KCND2: variants seen among roughly 807,000 people sequenced by gnomAD.
KCND2 encodes A-type voltage-gated potassium channel KCND2.
A neutral mutation model predicts 54.4 loss-of-function variants in KCND2; 16 were observed. That is an observed-to-expected ratio of 0.29 (90% CI 0.20 to 0.45). KCND2 has a LOEUF of 0.45. Ranked by LOEUF, KCND2 falls within the 20% of genes least tolerant of loss-of-function variation. The probability of loss-of-function intolerance (pLI) is 1.00; values close to 1 mark genes in which losing one functional copy is unlikely to be tolerated. For synonymous variants in KCND2, 317 were observed against 310.7 expected, an observed-to-expected ratio of 1.02 and a Z score of -0.21; for missense variants, 486 against 824.2, an observed-to-expected ratio of 0.59 and a Z score of 5.02.
intron 1 of KCND2, among the ~76,000 whole-genome samples, chr7:120,689,936 A>C (rs1351815971): frequency 1.3e-5 from 2 of 152,180 alleles, no homozygotes; most frequent in Non-Finnish European, 2.9e-5. Context: ...AGTATTTGCT[A>C]GTGCCTGTCT....
chr7:120,560,951 A>G (rs1792225331), intron 1 of KCND2, among the ~76,000 whole-genome samples: 1 of 152,254 alleles, frequency 6.6e-6, no homozygotes, highest in Non-Finnish European at 1.5e-5. Context: ...TCCAATTGTT[A>G]TACTGAATGT....
chr7:120,622,689 ACTCTCT>A (rs751909741), intron 1 of KCND2, among the ~76,000 whole-genome samples: 53 of 126,002 alleles, frequency 4.2e-4, no homozygotes, highest in East Asian at 2.3e-3. Flanking sequence ...ACACACACAC[ACTCTCT>A]CTCTCTCTCT....
At chr7:120,421,489 G>T (rs1393687195) in intron 1 of KCND2, among the ~76,000 whole-genome samples, 2 of 152,200 alleles carry the variant, frequency 1.3e-5, no homozygotes, top group African/African-American at 4.8e-5. Flanking sequence ...ATTCATTGCA[G>T]TGCTATTTTG....
intron 1 of KCND2, among the ~76,000 whole-genome samples, chr7:120,386,089 C>T (rs192990361): frequency 2.6e-5 from 4 of 152,012 alleles, no homozygotes; most frequent in Admixed American, 2.0e-4. Context: ...GATGATACAG[C>T]CATTGAAATG....
chr7:120,726,059 C>T (rs1042808289), intron 1 of KCND2, among the ~76,000 whole-genome samples: 2 of 152,060 alleles, frequency 1.3e-5, no homozygotes, highest in African/African-American at 4.8e-5. Flanking sequence ...TAAAAGTTAA[C>T]AGTAGCTCAT....
At chr7:120,736,676 T>C (rs1022072599) in intron 2 of KCND2, among the ~76,000 whole-genome samples, 1 of 151,874 alleles carries the variant, frequency 6.6e-6, no homozygotes, top group African/African-American at 2.4e-5. Flanking sequence ...AAACCCTCAC[T>C]AGTTTCTAGA....
At chr7:120,327,385 T>C (rs1253489868) in intron 1 of KCND2, among the ~76,000 whole-genome samples, 1 of 152,112 alleles carries the variant, frequency 6.6e-6, no homozygotes, top group African/African-American at 2.4e-5. Flanking sequence ...TGTTTTTATC[T>C]CCACATTTAT....
intron 1 of KCND2, among the ~76,000 whole-genome samples, chr7:120,515,499 T>C (rs1803182888): frequency 6.6e-6 from 1 of 152,114 alleles, no homozygotes. Context: ...ATATCACCTC[T>C]AGGACTGGGA....
At chr7:120,338,558 GTT>G (rs1800185196) in intron 1 of KCND2, among the ~76,000 whole-genome samples, 1 of 151,218 alleles carries the variant, frequency 6.6e-6, no homozygotes, top group Non-Finnish European at 1.5e-5. Context: ...ATTATTTTTT[GTT>G]TTCTATAGGC....
chr7:120,574,279 C>T (rs1027268839), intron 1 of KCND2, among the ~76,000 whole-genome samples: 1 of 152,270 alleles, frequency 6.6e-6, no homozygotes, highest in East Asian at 1.9e-4. Context: ...GTAGCTTGAA[C>T]TCAACCACTG....
chr7:120,554,027 T>G lies in KCND2; in HGVS notation c.1116-178876T>G, dbSNP rs77797054. Among the ~76,000 whole-genome samples, 8 of 152,254 alleles carry G rather than the reference T, an allele frequency of 5.3e-5. 1 individual carries two copies. The highest frequency in any genetic ancestry group is 1.9e-4 in the African/African-American group (8 of 41,468). ...CATCCTCAAGGGCCTATATATTTAATGTACATCACATGAGAATTAAAAGTG... is the reference window on the plus strand; with the variant it reads ...CATCCTCAAGGGCCTATATATTTAAGGTACATCACATGAGAATTAAAAGTG... On this transcript the variant is annotated intron_variant, in intron 1 of 5. Coordinates refer to ENST00000331113, the MANE Select transcript of KCND2 (RefSeq NM_012281.3).
intron 1 of KCND2, among the ~76,000 whole-genome samples, chr7:120,670,915 C>CA (rs201567194): frequency 0.2 from 19,008 of 93,032 alleles, 1,665 homozygotes; most frequent in East Asian, 0.47. Context: ...GGCTCCGTCT[C>CA]AAAAAAAAAA....
intron 1 of KCND2, among the ~76,000 whole-genome samples, chr7:120,641,589 G>C (rs1793376272): frequency 6.6e-6 from 1 of 152,084 alleles, no homozygotes; most frequent in African/African-American, 2.4e-5. Context: ...AGATGCAGTG[G>C]GCTGAAGGAT....
chr7:120,575,224 G>A (rs895229772), intron 1 of KCND2, among the ~76,000 whole-genome samples: 2 of 152,148 alleles, frequency 1.3e-5, no homozygotes, highest in Non-Finnish European at 2.9e-5. Flanking sequence ...AGCCAGTCAA[G>A]TCCCAAAACC....
At chr7:120,581,051 A>T (rs1334938597) in intron 1 of KCND2, among the ~76,000 whole-genome samples, 1 of 152,232 alleles carries the variant, frequency 6.6e-6, no homozygotes, top group African/African-American at 2.4e-5. Context: ...TGGTTGGTCG[A>T]TTCAAGTGGA....
chr7:120,711,641 T>A (rs1048077851), intron 1 of KCND2, among the ~76,000 whole-genome samples: 1 of 152,170 alleles, frequency 6.6e-6, no homozygotes, highest in Admixed American at 6.5e-5. Flanking sequence ...ACATTAATTA[T>A]TTGTATTTCT....
intron 1 of KCND2, among the ~76,000 whole-genome samples, chr7:120,563,061 G>T (rs1057184194): frequency 1.3e-5 from 2 of 152,050 alleles, no homozygotes; most frequent in Non-Finnish European, 2.9e-5. Context: ...TATATTCTTG[G>T]TTTATTTTAG....
chr7:120,506,037 CTGTT>C lies in KCND2; in HGVS notation c.1116-226861_1116-226858del, dbSNP rs371180283. ...TTGTATTTTCTTCCAATACTTTAAACTGTTTGTTAATTTTAAACCATTTAAGGAA... is the reference window on the plus strand; with the variant it reads ...TTGTATTTTCTTCCAATACTTTAAACTGTTAATTTTAAACCATTTAAGGAA... On this transcript the variant is annotated intron_variant, in intron 1 of 5. Coordinates refer to ENST00000331113, the MANE Select transcript of KCND2 (RefSeq NM_012281.3). 7.5e-3 allele frequency among the ~76,000 whole-genome samples: 1,130 copies of C among 151,578 alleles called. 17 individuals are homozygous for C. Among genetic ancestry groups the C allele is most frequent in the African/African-American group, 0.026 (1,077 of 41,424 alleles).
At chr7:120,413,818 G>A (rs1280222630) in intron 1 of KCND2, among the ~76,000 whole-genome samples, 2 of 149,220 alleles carry the variant, frequency 1.3e-5, no homozygotes, top group Non-Finnish European at 2.9e-5. Flanking sequence ...GGCTTACTAG[G>A]AATTTTTTTT....
Sources: allele counts gnomAD v4.1 joint callset (sites outside exome capture counted in the v4.1 genomes callset), GRCh38; gene constraint gnomAD v4.1.1; transcripts MANE v1.5; gene names NCBI Gene and HGNC (gene_info 2026-07-23, HGNC 2026-07-21).